GRIK2: variants seen among roughly 807,000 people sequenced by gnomAD.
The protein encoded by GRIK2 is glutamate ionotropic receptor kainate type subunit 2.
GRIK2 carries 32 observed loss-of-function variants against 100.3 expected under a neutral mutation model. That is an observed-to-expected ratio of 0.32 (90% CI 0.24 to 0.43). The LOEUF (loss-of-function observed/expected upper bound fraction) is 0.43, where lower values mean the gene tolerates loss of function less well. Among genes scored for constraint, GRIK2 ranks in the 20% least tolerant of loss-of-function variants. The pLI is 1.00. For missense variants in GRIK2, 843 were observed against 1,114.9 expected (o/e 0.76, Z 3.47); for synonymous variants, 417 against 389.4 (o/e 1.07, Z -0.83).
At chr6:101,985,595 C>T (rs186117764) in intron 14 of GRIK2, among the ~76,000 whole-genome samples, 1 of 151,862 alleles carries the variant, frequency 6.6e-6, no homozygotes, top group East Asian at 2.0e-4. Context: ...GAGGCTCATC[C>T]TTACCAGACA....
At chr6:101,675,454 T>A (rs1000871607) in intron 4 of GRIK2, among the ~76,000 whole-genome samples, 1 of 152,140 alleles carries the variant, frequency 6.6e-6, no homozygotes, top group African/African-American at 2.4e-5. Flanking sequence ...GATACTAGTA[T>A]AGAGATGAGA....
At chr6:102,064,387 CTT>C (rs1771909083) in intron 16 of GRIK2, among the ~76,000 whole-genome samples, 2 of 127,394 alleles carry the variant, frequency 1.6e-5, no homozygotes, top group African/African-American at 2.9e-5. Flanking sequence ...TCTTTCTTTC[CTT>C]TCTCTCTCTC....
In GRIK2 at chr6:101,790,039, T is replaced by C. The variant is rs1222247790; in HGVS notation, c.952-9609T>C. Among the ~76,000 whole-genome samples, 3 of 152,206 alleles carry C rather than the reference T, an allele frequency of 2.0e-5. No homozygotes were observed. In the East Asian group the frequency reaches 5.8e-4, roughly 29 times the overall value. On this transcript the variant is annotated intron_variant, in intron 7 of 16. Coordinates refer to ENST00000369134, the MANE Select transcript of GRIK2 (RefSeq NM_021956.5). ...TATTGGTGTATAAGAATGCTTGTGA[T>C]TTTTGTACATTGATTTTGTATGCTG...
At chr6:101,818,266 C>T (rs1781754506) in intron 9 of GRIK2, 104 bp from the exon 10 acceptor site, 2 of 657,382 alleles carry the variant, frequency 3.0e-6, no homozygotes, top group Non-Finnish European at 2.7e-6. Context: ...GCAGACAATG[C>T]AGCAAAGGTG....
At position 101,912,113 on chromosome 6, in the gene GRIK2, G is replaced by C. The variant is rs2791773; in HGVS notation, c.1749-12488G>C. On this transcript the variant is annotated intron_variant, in intron 12 of 16. Coordinates refer to ENST00000369134, the MANE Select transcript of GRIK2 (RefSeq NM_021956.5). ...ACACACACACACAAACACACACACA[G>C]AGACCGAGAGAGAGAAATCAGCACT... 4.5e-3 allele frequency among the ~76,000 whole-genome samples: 78 copies of C among 17,328 alleles called. 2 individuals are homozygous for C. The East Asian group carries it at 0.083, about 18-fold the overall frequency. 11.4% of individuals were successfully genotyped at this position (17,328 alleles called of 152,430 possible). A position where few individuals can be genotyped will look rare whatever the true frequency, so the allele number is the denominator to read the frequency against.
chr6:101,683,201 G>GA (rs201133138), intron 6 of GRIK2, among the ~76,000 whole-genome samples: 17,320 of 143,402 alleles, frequency 0.12, 1,254 homozygotes, highest in East Asian at 0.3. Flanking sequence ...ACTCCATCTA[G>GA]AAAAAAAAAA....
intron 14 of GRIK2, among the ~76,000 whole-genome samples, chr6:102,029,503 G>C (rs1383977334): frequency 6.6e-6 from 1 of 150,884 alleles, no homozygotes; most frequent in Non-Finnish European, 1.5e-5. Flanking sequence ...AACTTGTACA[G>C]CTCCCATTTA....
intron 10 of GRIK2, among the ~76,000 whole-genome samples, chr6:101,829,338 A>G (rs1782531444): frequency 6.6e-6 from 1 of 152,072 alleles, no homozygotes; most frequent in Admixed American, 6.6e-5. Flanking sequence ...CTGGAACAAG[A>G]CAAGGATATC....
chr6:101,738,220 A>C (rs980699202), intron 7 of GRIK2, among the ~76,000 whole-genome samples: 2 of 151,984 alleles, frequency 1.3e-5, no homozygotes, highest in Non-Finnish European at 2.9e-5. Flanking sequence ...GTCAATTGTA[A>C]TTGACAATTG....
At chr6:101,863,566 C>T (rs1327506988) in intron 11 of GRIK2, among the ~76,000 whole-genome samples, 3 of 152,110 alleles carry the variant, frequency 2.0e-5, no homozygotes, top group Non-Finnish European at 2.9e-5. Context: ...CAGACTAATC[C>T]CAGCTGGAGG....
At chr6:101,723,006 A>G (rs1325005107) in intron 7 of GRIK2, among the ~76,000 whole-genome samples, 3 of 152,064 alleles carry the variant, frequency 2.0e-5, no homozygotes, top group African/African-American at 7.2e-5. Flanking sequence ...TTGCATTCTG[A>G]TACCAGACAT....
intron 7 of GRIK2, among the ~76,000 whole-genome samples, chr6:101,790,061 G>C (rs9485544): frequency 0.27 from 40,908 of 151,986 alleles, 7,406 homozygotes; most frequent in East Asian, 0.69. Flanking sequence ...GATTTTGTAT[G>C]CTGAGACTTT....
At chr6:101,524,356 C>T (rs954946502) in intron 2 of GRIK2, among the ~76,000 whole-genome samples, 1 of 150,652 alleles carries the variant, frequency 6.6e-6, no homozygotes, top group Non-Finnish European at 1.5e-5. Flanking sequence ...CTATCCTGAC[C>T]AACAGTAGAA....
chr6:101,629,607 A>G (rs901337847), intron 4 of GRIK2, among the ~76,000 whole-genome samples: 3 of 152,120 alleles, frequency 2.0e-5, no homozygotes, highest in African/African-American at 7.2e-5. Flanking sequence ...TGATTATTTA[A>G]TATGATAGAA....
chr6:101,580,021 C>T (rs1175225865), intron 2 of GRIK2, among the ~76,000 whole-genome samples: 1 of 152,054 alleles, frequency 6.6e-6, no homozygotes, highest in Non-Finnish European at 1.5e-5. Flanking sequence ...TTTGGAAAGC[C>T]CCAAGGCTTG....
At chr6:101,840,363 T>G (rs1322425293) in intron 10 of GRIK2, among the ~76,000 whole-genome samples, 1 of 152,198 alleles carries the variant, frequency 6.6e-6, no homozygotes, top group Non-Finnish European at 1.5e-5. Context: ...GATTCCCAGG[T>G]CCTGATCTCT....
intron 14 of GRIK2, among the ~76,000 whole-genome samples, chr6:101,948,131 A>G (rs1222175099): frequency 2.0e-5 from 3 of 152,154 alleles, no homozygotes; most frequent in Admixed American, 2.0e-4. Flanking sequence ...TTGACTTTTT[A>G]GAGAAGTTTT....
intron 2 of GRIK2, among the ~76,000 whole-genome samples, chr6:101,555,288 T>C (rs2128293649): frequency 6.6e-6 from 1 of 152,252 alleles, no homozygotes. Flanking sequence ...TGCCGGGAAG[T>C]ATAGCTAGTG....
At chr6:101,639,311 G>A (rs1251814848) in intron 4 of GRIK2, among the ~76,000 whole-genome samples, 1 of 152,156 alleles carries the variant, frequency 6.6e-6, no homozygotes, top group Non-Finnish European at 1.5e-5. Context: ...TGGGATTACA[G>A]GCGTGAGCCA....
Sources: gnomAD v4.1 joint callset for allele counts (sites outside exome capture counted in the v4.1 genomes callset) on GRCh38, gnomAD v4.1.1 for gene constraint, MANE v1.5 for transcripts, NCBI Gene and HGNC (gene_info 2026-07-23, HGNC 2026-07-21) for gene names.